Variants in SAXO1 observed in about 807,000 individuals in gnomAD.
SAXO1 encodes 4930500O09Rik.
A neutral mutation model predicts 17.5 loss-of-function variants in SAXO1; 21 were observed. The observed-to-expected ratio is 1.20, with a 90% CI of 0.85 to 1.72. The LOEUF (loss-of-function observed/expected upper bound fraction) is 1.72, where lower values mean the gene tolerates loss of function less well. Ranked by LOEUF, SAXO1 falls within the 40% of genes most tolerant of loss-of-function variation. The pLI is 0.00. For synonymous variants in SAXO1, 274 were observed against 216.5 expected (o/e 1.27, Z -2.33); for missense variants, 843 against 596.0 (o/e 1.41, Z -4.32).
intron 1 of SAXO1, among the ~76,000 whole-genome samples, chr9:18,988,378 C>G (rs1312375458): frequency 6.6e-6 from 1 of 152,202 alleles, no homozygotes; most frequent in East Asian, 1.9e-4. Context: ...CCCTAGGTAT[C>G]CAGGGCTATG....
intron 1 of SAXO1, among the ~76,000 whole-genome samples, chr9:18,962,854 T>C (rs1009371586): frequency 4.6e-5 from 7 of 152,270 alleles, no homozygotes; most frequent in African/African-American, 1.7e-4. Flanking sequence ...TTTGGTGTTT[T>C]AGTCACGAAG....
chr9:18,937,249 T>C (rs779358400), intron 3 of SAXO1, among the ~76,000 whole-genome samples: 44 of 152,170 alleles, frequency 2.9e-4, no homozygotes, highest in Non-Finnish European at 5.9e-4. Flanking sequence ...GCCTTCTCAA[T>C]CCTCACTTCT....
At chr9:18,949,975 A>T (rs1831962923) in intron 2 of SAXO1, among the ~76,000 whole-genome samples, 1 of 152,088 alleles carries the variant, frequency 6.6e-6, no homozygotes, top group African/African-American at 2.4e-5. Context: ...AAAACTATAC[A>T]ATCTGAGACT....
At chr9:18,978,063 C>A (rs564106190) in intron 1 of SAXO1, among the ~76,000 whole-genome samples, 4 of 147,630 alleles carry the variant, frequency 2.7e-5, no homozygotes, top group Non-Finnish European at 5.9e-5. Context: ...GGAACTAGAT[C>A]TTATCATTAA....
At chr9:18,955,528 T>C (rs951872173) in intron 1 of SAXO1, among the ~76,000 whole-genome samples, 2 of 152,212 alleles carry the variant, frequency 1.3e-5, no homozygotes, top group African/African-American at 2.4e-5. Context: ...TCTAAAAGTG[T>C]AGGAAAGATA....
chr9:18,944,607 A>T (rs1008037898), intron 2 of SAXO1, among the ~76,000 whole-genome samples: 26 of 152,240 alleles, frequency 1.7e-4, no homozygotes, highest in Admixed American at 1.6e-3. Flanking sequence ...TTAGGTAAGT[A>T]GCTATAAAAG....
At chr9:19,039,872 G>A (rs1836034237) in intron 1 of SAXO1, among the ~76,000 whole-genome samples, 1 of 152,084 alleles carries the variant, frequency 6.6e-6, no homozygotes. Flanking sequence ...GGGATTACAG[G>A]CGCCTGCCAC....
chr9:18,987,758 G>A (rs901069916), intron 1 of SAXO1, among the ~76,000 whole-genome samples: 3 of 152,018 alleles, frequency 2.0e-5, no homozygotes, highest in South Asian at 2.1e-4. Context: ...TTAGCTAGGT[G>A]TGGTGGCACA....
intron 1 of SAXO1, among the ~76,000 whole-genome samples, chr9:19,007,133 G>A (rs1473874399): frequency 1.3e-5 from 2 of 151,942 alleles, no homozygotes; most frequent in Non-Finnish European, 2.9e-5. Flanking sequence ...TGGATCATGA[G>A]GTCAAGAGAT....
chr9:18,951,434 C>T (rs1192802398), intron 1 of SAXO1, among the ~76,000 whole-genome samples: 1 of 152,194 alleles, frequency 6.6e-6, no homozygotes, highest in Non-Finnish European at 1.5e-5. Flanking sequence ...ACACAAATGA[C>T]ATCATTCAAA....
chr9:18,973,493 A>G (rs1018810793), intron 1 of SAXO1, among the ~76,000 whole-genome samples: 5 of 152,260 alleles, frequency 3.3e-5, no homozygotes, highest in African/African-American at 1.2e-4. Flanking sequence ...TAGTGCACAC[A>G]CACAGGAATC....
rs142929345 is a variant in SAXO1 at position 18,997,416 on chromosome 9, T to A, written c.38+35455A>T. Among the ~76,000 whole-genome samples, 461 of 152,370 alleles carry A rather than the reference T, an allele frequency of 3.0e-3. 8 individuals are homozygous for A. The South Asian group carries it at 0.045, about 15-fold the overall frequency. The stretch of plus-strand genomic sequence containing the variant: ...AGGGGCATCTGCCATTGCTGAGGCT[T>A]GAGTAGGTAGTTCCATGCTCACAGT... On this transcript the variant is annotated intron_variant, in intron 1 of 3. Transcript: ENST00000380534.
intron 1 of SAXO1, among the ~76,000 whole-genome samples, chr9:19,025,655 T>C (rs1835440630): frequency 6.6e-6 from 1 of 152,224 alleles, no homozygotes; most frequent in South Asian, 2.1e-4. Flanking sequence ...TTCATAAATA[T>C]TTCATGATAC....
At chr9:19,045,991 G>A (rs1459649284) in intron 1 of SAXO1, among the ~76,000 whole-genome samples, 1 of 151,142 alleles carries the variant, frequency 6.6e-6, no homozygotes, top group South Asian at 2.1e-4. Flanking sequence ...AGAAGGCTGA[G>A]GCAGGAGAAT....
intron 1 of SAXO1, among the ~76,000 whole-genome samples, chr9:19,007,109 G>A (rs535034146): frequency 6.6e-6 from 1 of 151,980 alleles, no homozygotes; most frequent in Non-Finnish European, 1.5e-5. Context: ...AGCACTTTGG[G>A]AGGCCGAGGC....
upstream of SAXO1, among the ~76,000 whole-genome samples, chr9:19,037,620 C>T (rs1025661878): frequency 9.7e-4 from 148 of 152,286 alleles, 1 homozygote; most frequent in Non-Finnish European, 1.5e-4. Context: ...TGAGGCCTCC[C>T]CAGCCATGTG....
intron 3 of SAXO1, among the ~76,000 whole-genome samples, chr9:18,937,762 C>T (rs1831362605): frequency 2.6e-5 from 4 of 152,162 alleles, no homozygotes; most frequent in Admixed American, 2.6e-4. Context: ...AGAGCAGACC[C>T]TCACTGGACA....
intron 2 of SAXO1, among the ~76,000 whole-genome samples, chr9:18,950,114 A>AC (rs1416512676): frequency 1.8e-4 from 27 of 152,220 alleles, no homozygotes; most frequent in Non-Finnish European, 3.1e-4. Flanking sequence ...ACTTTTCTGC[A>AC]CCCCCTCAGT....
chr9:19,030,383 T>C (rs1835704905), intron 1 of SAXO1, among the ~76,000 whole-genome samples: 1 of 151,706 alleles, frequency 6.6e-6, no homozygotes, highest in African/African-American at 2.4e-5. Context: ...TAAAGAAAGA[T>C]TACAATGGAG....
Sources: gnomAD v4.1 joint callset for allele counts (sites outside exome capture counted in the v4.1 genomes callset) on GRCh38, gnomAD v4.1.1 for gene constraint, MANE v1.5 for transcripts, NCBI Gene and HGNC (gene_info 2026-07-23, HGNC 2026-07-21) for gene names.